WDR64: variants seen among roughly 807,000 people sequenced by gnomAD.
The protein encoded by WDR64 is WD repeat domain 64.
WDR64 carries 112 observed loss-of-function variants against 139.3 expected under a neutral mutation model. The observed-to-expected ratio is 0.80, with a 90% confidence interval of 0.69 to 0.94. The LOEUF is 0.94. Among genes scored for constraint, WDR64 ranks in the 40% least tolerant of loss-of-function variants. WDR64 has a pLI of 0.00. For synonymous variants in WDR64, 444 were observed against 437.7 expected, an observed-to-expected ratio of 1.01 and a Z score of -0.18; for missense variants, 1,206 against 1,293.1, an observed-to-expected ratio of 0.93 and a Z score of 1.03.
chr1:241,763,695 A>T lies in WDR64; in HGVS notation c.1948-2523A>T, dbSNP rs112877632. ...ACTCCAGCCTTGGCAACAGAGCAAG[A>T]CTCAGTCTCAAAGAAAAGTTTGCAA... On this transcript the variant is annotated intron_variant, in intron 15 of 27. Coordinates refer to ENST00000437684, the MANE Select transcript of WDR64 (RefSeq NM_001367482.1). Among the ~76,000 whole-genome samples, 700 of 152,276 alleles carry T rather than the reference A, an allele frequency of 4.6e-3. 5 individuals are homozygous for T. The highest frequency in any genetic ancestry group is 0.016 in the African/African-American group (668 of 41,550).
intron 16 of WDR64, among the ~76,000 whole-genome samples, chr1:241,768,104 A>G (rs10926568): frequency 0.16 from 24,010 of 152,190 alleles, 2,160 homozygotes; most frequent in African/African-American, 0.21. Flanking sequence ...CACCCGTGAT[A>G]ATAATCCCAC....
intron 9 of WDR64, among the ~76,000 whole-genome samples, chr1:241,722,670 A>C (rs1668653279): frequency 6.6e-6 from 1 of 152,202 alleles, no homozygotes; most frequent in African/African-American, 2.4e-5. Context: ...TATATTTTTA[A>C]AAAGTTAACA....
At chr1:241,701,277 C>A (rs189686186) in intron 8 of WDR64, among the ~76,000 whole-genome samples, 1 of 149,656 alleles carries the variant, frequency 6.7e-6, no homozygotes, top group African/African-American at 2.6e-5. Context: ...TGCACATGCG[C>A]GCACACACAC....
intron 8 of WDR64, among the ~76,000 whole-genome samples, chr1:241,709,685 A>C (rs1209705848): frequency 1.3e-5 from 2 of 152,232 alleles, no homozygotes; most frequent in Admixed American, 6.5e-5. Context: ...TAAAAAGTAT[A>C]GTCCAGAGGG....
chr1:241,656,874 G>GTGTGTGTGTA lies in WDR64; in HGVS notation c.146-3647_146-3646insATGTGTGTGT, dbSNP rs773372219. On this transcript the variant is annotated intron_variant, in intron 1 of 27. Coordinates refer to ENST00000437684, the MANE Select transcript of WDR64 (RefSeq NM_001367482.1). This position sits in a 1 kb window ranked among gnomAD's most constrained non-coding sequence, Gnocchi z 4.3. ...GTCTCAAGTCTTTGCCAAATGTTGT[G>GTGTGTGTGTA]TGTGTGTGTGTGTGTGTGTGTGTGT... Among the ~76,000 whole-genome samples, 4,248 of 65,080 alleles carry GTGTGTGTGTA rather than the reference G, an allele frequency of 0.065. 117 individuals are homozygous for GTGTGTGTGTA. Among genetic ancestry groups the GTGTGTGTGTA allele is most frequent in the South Asian group, 0.083 (107 of 1,290 alleles). 42.7% of individuals were successfully genotyped at this position (65,080 alleles called of 152,430 possible). A position where few individuals can be genotyped will look rare whatever the true frequency, so the allele number is the denominator to read the frequency against.
Position 241,794,502 on chromosome 1 carries a change from CTGT to C in WDR64, c.2998-703_2998-701del, listed in dbSNP as rs1481273040. On this transcript the variant is annotated intron_variant, in intron 25 of 27. Coordinates refer to ENST00000437684, the MANE Select transcript of WDR64 (RefSeq NM_001367482.1). ...AATGCCCCACATATTTTAAGCTTTA[CTGT>C]TTTTTTTTTTTTTTTTTTTTTGAGA... Among the ~76,000 whole-genome samples the C allele has an allele frequency of 1.5e-3, 158 of 105,012 alleles. 7 individuals are homozygous for C. Among genetic ancestry groups the C allele is most frequent in the Middle Eastern group, 5.9e-3 (1 of 170 alleles). 68.9% of individuals were successfully genotyped at this position (105,012 alleles called of 152,430 possible).
chr1:241,701,984 C>G (rs973702758), intron 8 of WDR64, among the ~76,000 whole-genome samples: 4 of 152,280 alleles, frequency 2.6e-5, no homozygotes, highest in African/African-American at 9.6e-5. Context: ...AAAAAATCCT[C>G]TCAAAAAAAT....
intron 9 of WDR64, among the ~76,000 whole-genome samples, chr1:241,719,363 G>T (rs12725593): frequency 0.21 from 31,949 of 152,028 alleles, 3,644 homozygotes; most frequent in East Asian, 0.28. Context: ...GAGTCTAATA[G>T]TGGTCCAGAC....
At chr1:241,719,594 A>G (rs1218855409) in intron 9 of WDR64, among the ~76,000 whole-genome samples, 2 of 152,132 alleles carry the variant, frequency 1.3e-5, no homozygotes, top group Non-Finnish European at 2.9e-5. Context: ...GGAAGCATCT[A>G]TCAAATTTGC....
intron 20 of WDR64, among the ~76,000 whole-genome samples, chr1:241,774,270 T>C (rs1208144864): frequency 6.6e-6 from 1 of 152,214 alleles, no homozygotes; most frequent in Non-Finnish European, 1.5e-5. Context: ...AAACTCTAAG[T>C]GTACCAGTAG....
intron 2 of WDR64, among the ~76,000 whole-genome samples, chr1:241,662,556 A>C (rs929934811): frequency 6.6e-6 from 1 of 152,182 alleles, no homozygotes; most frequent in African/African-American, 2.4e-5. Context: ...TAGTCTGATA[A>C]GAGGAAATTT....
intron 7 of WDR64, among the ~76,000 whole-genome samples, chr1:241,686,155 C>T (rs148209923): frequency 7.2e-5 from 11 of 152,044 alleles, no homozygotes; most frequent in Admixed American, 2.6e-4. Context: ...CTGAGTGTTG[C>T]GGCATTTTCT....
chr1:241,788,331 G>A (rs1187733717), intron 24 of WDR64, among the ~76,000 whole-genome samples: 1 of 152,188 alleles, frequency 6.6e-6, no homozygotes, highest in East Asian at 1.9e-4. Flanking sequence ...GGGGAGGAAG[G>A]ATAGAGTACA....
At position 241,674,794 on chromosome 1, in the gene WDR64, C is replaced by T; in HGVS notation, c.483+47C>T. ...AACTGAATGACTCATTTTACAATAA[C>T]CAGGTAATTTAAAAGCTTGGATTTC... On this transcript the variant is annotated intron_variant, in intron 4 of 27. Transcript: ENST00000437684. 14 of 1,210,582 alleles carry T rather than the reference C, an allele frequency of 1.2e-5. 1 individual carries two copies. Among genetic ancestry groups the T allele is most frequent in the Non-Finnish European group, 1.6e-5 (14 of 850,832 alleles). The allele number at this position is 1,210,582 out of a possible 1,614,324, so 75.0% of individuals were successfully genotyped here. A position where few individuals can be genotyped will look rare whatever the true frequency, so the allele number is the denominator to read the frequency against.
intron 1 of WDR64, among the ~76,000 whole-genome samples, chr1:241,655,815 C>T (rs1431647281): frequency 1.3e-5 from 2 of 151,974 alleles, no homozygotes; most frequent in African/African-American, 4.8e-5. Flanking sequence ...CCATCCTCAG[C>T]ACTGTTCATG....
intron 27 of WDR64, among the ~76,000 whole-genome samples, chr1:241,798,290 G>T (rs145839565): frequency 6.6e-6 from 1 of 152,202 alleles, no homozygotes; most frequent in East Asian, 1.9e-4. Context: ...GCCTTAATTT[G>T]CTTAAATTGA....
At chr1:241,689,104 A>C (rs570298104) in intron 8 of WDR64, among the ~76,000 whole-genome samples, 1 of 152,280 alleles carries the variant, frequency 6.6e-6, no homozygotes, top group East Asian at 1.9e-4. Flanking sequence ...ACTGACAAGC[A>C]CTTGTGAAAT....
chr1:241,660,456 TA>T, intron 1 of WDR64, 73 bp from the exon 2 acceptor site: 2 of 1,497,070 alleles, frequency 1.3e-6, no homozygotes, highest in Non-Finnish European at 1.8e-6. Context: ...GGTGAGGAAA[TA>T]AAAAATGTAG....
Position 241,675,050 on chromosome 1 carries a change from CCTTTT to C in WDR64, c.483+306_483+310del, listed in dbSNP as rs1447521233. 4.7e-4 allele frequency among the ~76,000 whole-genome samples: 22 copies of C among 46,730 alleles called. 2 individuals are homozygous for C. The highest frequency in any genetic ancestry group is 5.7e-4 in the Non-Finnish European group (13 of 22,616). 30.7% of individuals were successfully genotyped at this position (46,730 alleles called of 152,430 possible). On this transcript the variant is annotated intron_variant, in intron 4 of 27. Transcript: ENST00000437684. ...TTCCCTCCCTCCTTCTTCTTTCCTTCCTTTTCTCCCTTCCTCCTTCCTGCCTCCCT... is the reference window on the plus strand; with the variant it reads ...TTCCCTCCCTCCTTCTTCTTTCCTTCCTCCCTTCCTCCTTCCTGCCTCCCT...
Sources: gnomAD v4.1 joint callset for allele counts (sites outside exome capture counted in the v4.1 genomes callset) on GRCh38, gnomAD v4.1.1 for gene constraint, Gnocchi (gnomAD v3.1) non-coding constraint, MANE v1.5 for transcripts, NCBI Gene and HGNC (gene_info 2026-07-23, HGNC 2026-07-21) for gene names.